Variants in ARL8A observed in about 807,000 individuals in gnomAD.
The protein encoded by ARL8A is ARF like GTPase 8A.
ARL8A carries 10 observed loss-of-function variants against 31.2 expected under a neutral mutation model. The ratio of observed to expected loss-of-function variants is 0.32; its 90% CI spans 0.20 to 0.54. The LOEUF (loss-of-function observed/expected upper bound fraction) is 0.54. ARL8A is among the 20% of genes least tolerant of loss of function. ARL8A has a pLI of 0.93. For synonymous variants in ARL8A, 70 were observed against 86.9 expected (o/e 0.81, Z 1.08); for missense variants, 129 against 242.8 (o/e 0.53, Z 3.12).
rs374485104 is a variant in ARL8A, at chr1:202,134,450, G to C, written c.*17C>G. On this transcript the variant is annotated 3_prime_UTR_variant, in exon 7 of 7. Coordinates refer to ENST00000272217, the MANE Select transcript of ARL8A (RefSeq NM_138795.4). This position sits in a 1 kb window ranked among gnomAD's most constrained non-coding sequence, Gnocchi z 4.2. ...AGATGATGACGGTCCCTGGTCTGAG[G>C]GAGAAGGGCTGGAGTCTCAGCTTCT... 223 of 1,610,844 alleles carry C rather than the reference G, an allele frequency of 1.4e-4. 2 individuals are homozygous for C. The South Asian group carries it at 2.0e-3, about 14-fold the overall frequency.
Position 202,134,362 on chromosome 1 carries a change from T to A in ARL8A, c.*105A>T. 1.2e-5 allele frequency: 13 copies of A among 1,086,570 alleles called. No homozygotes were observed. The highest frequency in any genetic ancestry group is 1.9e-5 in the Admixed American group (1 of 52,712). The allele number at this position is 1,086,570 out of a possible 1,614,324, so 67.3% of individuals were successfully genotyped here. On this transcript the variant is annotated 3_prime_UTR_variant, in exon 7 of 7. Transcript: ENST00000272217. This position sits in a 1 kb window ranked among gnomAD's most constrained non-coding sequence, Gnocchi z 4.2. ...GGTCCCCAGAGGGCCCTCCTCACAC[T>A]GGGTGAGGAGGGGTGGGCTTAGGGG...
chr1:202,140,783 C>T (rs1293173492), intron 1 of ARL8A, among the ~76,000 whole-genome samples: 2 of 152,134 alleles, frequency 1.3e-5, no homozygotes, highest in Non-Finnish European at 2.9e-5. Context: ...TACCCAAACC[C>T]CGGCAGCCTG....
rs1419241079 is a variant in ARL8A, at chr1:202,144,034, G to A, written c.123+416C>T. Among the ~76,000 whole-genome samples, 8 of 152,166 alleles carry A rather than the reference G, an allele frequency of 5.3e-5. No homozygotes were observed. The highest frequency in any genetic ancestry group is 1.0e-4 in the Non-Finnish European group (7 of 68,004). On this transcript the variant is annotated intron_variant, in intron 1 of 6. Transcript: ENST00000272217. This position sits in a 1 kb window ranked among gnomAD's most constrained non-coding sequence, Gnocchi z 5.2. ...CCTCCTCAAGCCTCTCGGCCGCCCC[G>A]TCCCGTGACCCTCTACCCGCGGGAC...
intron 3 of ARL8A, among the ~76,000 whole-genome samples, chr1:202,137,011 C>T (rs778020723): frequency 4.6e-5 from 7 of 151,966 alleles, no homozygotes; most frequent in African/African-American, 9.7e-5. Flanking sequence ...CCTGCCACCA[C>T]GCCCAGCTAA....
rs1308500681 is a variant in ARL8A at position 202,135,417 on chromosome 1, G to GAATT, written c.440+38_440+41dup. ...CTAGGCTGTTGGTCTGGTGGTTGGG[G>GAATT]AATTGGGAGAGCAGAAAGTAATATA... is the stretch of plus-strand genomic sequence containing the variant. On this transcript the variant is annotated intron_variant, in intron 5 of 6. Transcript: ENST00000272217. This position sits in a 1 kb window ranked among gnomAD's most constrained non-coding sequence, Gnocchi z 5.3. The GAATT allele has an allele frequency of 6.3e-7, 1 of 1,599,476 alleles. No homozygotes were observed. The highest frequency in any genetic ancestry group is 1.7e-5 in the Admixed American group (1 of 59,992).
chr1:202,139,145 G>A (rs1315055601), intron 1 of ARL8A, among the ~76,000 whole-genome samples: 1 of 152,158 alleles, frequency 6.6e-6, no homozygotes, highest in African/African-American at 2.4e-5. Context: ...AATCCATTCT[G>A]TATTGTCTCT....
intron 3 of ARL8A, among the ~76,000 whole-genome samples, chr1:202,136,877 C>T (rs1405226149): frequency 2.7e-5 from 4 of 150,108 alleles, no homozygotes; most frequent in African/African-American, 9.8e-5. Context: ...TTTTTTGAGA[C>T]AGAGTCTCGC....
intron 1 of ARL8A, among the ~76,000 whole-genome samples, chr1:202,141,896 C>T (rs1655174498): frequency 6.6e-6 from 1 of 151,248 alleles, no homozygotes; most frequent in South Asian, 2.1e-4. Context: ...CGGAGTTTCG[C>T]TCTTGTTGCC....
Position 202,138,163 on chromosome 1 carries a change from T to TCC in ARL8A, c.205-127_205-126dup. ...GCCTCCCCGGCTTCCTCTCCAGTTCTCCCCCGTCTCCACCCGCTCTCCGTC... is the reference window on the plus strand; with the variant it reads ...GCCTCCCCGGCTTCCTCTCCAGTTCTCCCCCCCGTCTCCACCCGCTCTCCGTC... On this transcript the variant is annotated intron_variant, in intron 2 of 6. Coordinates refer to ENST00000272217, the MANE Select transcript of ARL8A (RefSeq NM_138795.4). This position sits in a 1 kb window ranked among gnomAD's most constrained non-coding sequence, Gnocchi z 4.4. The TCC allele has an allele frequency of 8.3e-7, 1 of 1,203,364 alleles. No individual in the cohort carries two copies. The allele number at this position is 1,203,364 out of a possible 1,614,324, so 74.5% of individuals were successfully genotyped here.
chr1:202,134,674 G>A lies in ARL8A; in HGVS notation c.512-158C>T, dbSNP rs4342901. Among the ~76,000 whole-genome samples, 44,243 of 152,030 alleles carry A rather than the reference G, an allele frequency of 0.29. 7,057 individuals are homozygous for A. The highest frequency in any genetic ancestry group is 0.39 in the Middle Eastern group (113 of 292). The stretch of plus-strand genomic sequence containing the variant: ...AGTCTCAGCTACATGGGAAGCTCAG[G>A]TGAGAGGATTGCTTGAACCCAGGAG... On this transcript the variant is annotated intron_variant, in intron 6 of 6. Transcript: ENST00000272217. The surrounding 1 kb of genome is among the most constrained non-coding windows in gnomAD (Gnocchi z 4.2).
Position 202,138,493 on chromosome 1 carries a change from GC to G in ARL8A, c.124-46del, listed in dbSNP as rs1558306347. 1.9e-6 allele frequency: 3 copies of G among 1,567,716 alleles called. No homozygotes were observed. Among genetic ancestry groups the G allele is most frequent in the Non-Finnish European group, 2.6e-6 (3 of 1,138,058 alleles). The stretch of plus-strand genomic sequence containing the variant: ...TGGGAAACAGTGCAAAAATCGATAT[GC>G]CCCCACCGCAGACCAAGAGGCTGCG... On this transcript the variant is annotated intron_variant, in intron 1 of 6. Transcript: ENST00000272217. This position sits in a 1 kb window ranked among gnomAD's most constrained non-coding sequence, Gnocchi z 4.4.
intron 1 of ARL8A, among the ~76,000 whole-genome samples, chr1:202,140,781 C>A (rs1365742015): frequency 6.6e-6 from 1 of 152,176 alleles, no homozygotes; most frequent in African/African-American, 2.4e-5. Flanking sequence ...ATTACCCAAA[C>A]CCCGGCAGCC....
At chr1:202,139,756 T>C (rs1417150106) in intron 1 of ARL8A, among the ~76,000 whole-genome samples, 1 of 139,884 alleles carries the variant, frequency 7.1e-6, no homozygotes, top group African/African-American at 2.6e-5. Context: ...AGCGAGGGTC[T>C]CCTGCCTCAG....
rs1655257162 is a variant in ARL8A at position 202,144,672 on chromosome 1, C to G, written c.-100G>C. 5.6e-6 allele frequency: 6 copies of G among 1,069,136 alleles called. No homozygotes were observed. In the South Asian group the frequency reaches 1.3e-4, roughly 23 times the overall value. The allele number at this position is 1,069,136 out of a possible 1,614,324, so 66.2% of individuals were successfully genotyped here. A position where few individuals can be genotyped will look rare whatever the true frequency, so the allele number is the denominator to read the frequency against. The stretch of plus-strand genomic sequence containing the variant: ...GCCCCTCCCCGGTACGGCCCGGGTC[C>G]CGCGGCTCGGTGCGGGCGGAGGCTC... On this transcript the variant is annotated 5_prime_UTR_variant, in exon 1 of 7. Coordinates refer to ENST00000272217, the MANE Select transcript of ARL8A (RefSeq NM_138795.4). This position sits in a 1 kb window ranked among gnomAD's most constrained non-coding sequence, Gnocchi z 5.2.
intron 1 of ARL8A, among the ~76,000 whole-genome samples, chr1:202,140,621 A>G (rs1655142994): frequency 6.6e-6 from 1 of 152,190 alleles, no homozygotes. Context: ...GTGTGTGTGC[A>G]AAGTTTTGTT....
At position 202,144,563 on chromosome 1, in the gene ARL8A, A is replaced by G. The variant is rs1269161111; in HGVS notation, c.10T>C (p.Leu4=). The G allele has an allele frequency of 2.1e-6, 3 of 1,434,122 alleles. No individual in the cohort carries two copies. Among genetic ancestry groups the G allele is most frequent in the East Asian group, 3.7e-5 (1 of 27,344 alleles). The allele number at this position is 1,434,122 out of a possible 1,614,324, so 88.8% of individuals were successfully genotyped here. A position where few individuals can be genotyped will look rare whatever the true frequency, so the allele number is the denominator to read the frequency against. MIA[L]FNKLLDWFKA... ...AACCAGTCCAGCAGCTTGTTGAACA[A>G]AGCGATCATGGTCGCTGCCGCCGGC... Residue 4 remains leucine, a synonymous_variant, in exon 1 of 7, where the codon TTG becomes CTG. Transcript: ENST00000272217. This position sits in a 1 kb window ranked among gnomAD's most constrained non-coding sequence, Gnocchi z 5.2.
intron 3 of ARL8A, 124 bp downstream of exon 3, chr1:202,137,841 C>T (rs1399938056): frequency 1.7e-5 from 18 of 1,069,104 alleles, no homozygotes; most frequent in Non-Finnish European, 2.1e-5. Flanking sequence ...GGCCCTGGAC[C>T]GACACTGTGT....
rs1210740419 is a variant in ARL8A at position 202,135,646 on chromosome 1, C to T, written c.372+61G>A. 6.3e-7 allele frequency: 1 copy of T among 1,585,852 alleles called. No homozygotes were observed. Among genetic ancestry groups the T allele is most frequent in the Non-Finnish European group, 8.7e-7 (1 of 1,155,046 alleles). On this transcript the variant is annotated intron_variant, in intron 4 of 6. Transcript: ENST00000272217. This position sits in a 1 kb window ranked among gnomAD's most constrained non-coding sequence, Gnocchi z 5.3. Reference sequence around the variant, plus strand: ...CGCCCCTACCATGCCTGGCTTTTACCTGCTCCCAGTGACTTCCCAGCCGAG... The same window carrying T: ...CGCCCCTACCATGCCTGGCTTTTACTTGCTCCCAGTGACTTCCCAGCCGAG...
At position 202,135,768 on chromosome 1, in the gene ARL8A, A is replaced by G. The variant is rs1041964541; in HGVS notation, c.311T>C (p.Ile104Thr). ...YMVDAADQEK[I>T]EASKNELHNL... ...GTGGAGCTCGTTCTTAGAGGCCTCA[A>G]TCTTCTCCTGGTCAGCAGCATCCAC... Residue 104 changes from isoleucine to threonine, a missense_variant, in exon 4 of 7, where the codon ATT becomes ACT. Physicochemically the swap from Ile to Thr is moderately conservative, Grantham distance 89. Transcript: ENST00000272217. This position sits in a 1 kb window ranked among gnomAD's most constrained non-coding sequence, Gnocchi z 5.3. 6 of 1,613,990 alleles carry G rather than the reference A, an allele frequency of 3.7e-6. No homozygotes were observed. The African/African-American group carries it at 4.0e-5, about 11-fold the overall frequency.
Sources: gnomAD v4.1 joint callset for allele counts (sites outside exome capture counted in the v4.1 genomes callset) on GRCh38, gnomAD v4.1.1 for gene constraint, Gnocchi (gnomAD v3.1) non-coding constraint, MANE v1.5 for transcripts, NCBI Gene and HGNC (gene_info 2026-07-23, HGNC 2026-07-21) for gene names.